AAMP: variants seen among roughly 807,000 people sequenced by gnomAD.
The protein encoded by AAMP is angio associated migratory cell protein.
In AAMP, 12 loss-of-function variants were observed where a neutral mutation model predicts 51.1. The ratio of observed to expected loss-of-function variants is 0.23; its 90% CI spans 0.15 to 0.38. The LOEUF is 0.38. Ranked by LOEUF, AAMP falls within the 10% of genes least tolerant of loss-of-function variation. The pLI, the probability that AAMP is intolerant of heterozygous loss-of-function variation, is 1.00. For missense variants in AAMP, 418 were observed against 557.2 expected (o/e 0.75, Z 2.52); for synonymous variants, 210 against 218.7 (o/e 0.96, Z 0.35).
chr2:218,269,770 G>T, intron 1 of AAMP, 196 bp downstream of exon 1: 1 of 1,000,796 alleles, frequency 1.0e-6, no homozygotes, highest in South Asian at 1.5e-5. Context: ...GAGGGGAAGG[G>T]CCAGAGGAGG....
Position 218,266,667 on chromosome 2 carries a change from G to T in AAMP, c.535-80C>A. 1 of 1,565,226 alleles carries T rather than the reference G, an allele frequency of 6.4e-7. No homozygotes were observed. The highest frequency in any genetic ancestry group is 8.7e-7 in the Non-Finnish European group (1 of 1,152,330). On this transcript the variant is annotated intron_variant, in intron 4 of 10. Transcript: ENST00000248450. This position sits in a 1 kb window ranked among gnomAD's most constrained non-coding sequence, Gnocchi z 4.7. Reference sequence around the variant, plus strand: ...GCCTGCCCCATGAGCTCCACCCAAGGTTTCCTGCCTCTGGGGTTCCGCGGG... The same window carrying T: ...GCCTGCCCCATGAGCTCCACCCAAGTTTTCCTGCCTCTGGGGTTCCGCGGG...
chr2:218,264,840 C>T (rs1227184459), intron 10 of AAMP, among the ~76,000 whole-genome samples, 180 bp downstream of exon 10: 1 of 152,198 alleles, frequency 6.6e-6, no homozygotes, highest in Non-Finnish European at 1.5e-5. Context: ...ATGACTGAGA[C>T]GTGGGGCCCC....
At position 218,265,299 on chromosome 2, in the gene AAMP, G is replaced by T; in HGVS notation, c.1074+72C>A. Reference sequence around the variant, plus strand: ...GGCAGGAGCCAGATCTGGGGTAGATGCTCCTGGAGGCCTGGGCTTCCCCAC... The same window carrying T: ...GGCAGGAGCCAGATCTGGGGTAGATTCTCCTGGAGGCCTGGGCTTCCCCAC... On this transcript the variant is annotated intron_variant, in intron 9 of 10. Transcript: ENST00000248450. The surrounding 1 kb of genome is among the most constrained non-coding windows in gnomAD (Gnocchi z 6.6). 6.5e-7 allele frequency: 1 copy of T among 1,534,698 alleles called. No individual in the cohort carries two copies. The highest frequency in any genetic ancestry group is 8.8e-7 in the Non-Finnish European group (1 of 1,130,500).
Position 218,266,703 on chromosome 2 carries a change from G to T in AAMP, c.535-116C>A. The T allele has an allele frequency of 6.5e-7, 1 of 1,549,266 alleles. No individual in the cohort carries two copies. Among genetic ancestry groups the T allele is most frequent in the Non-Finnish European group, 8.8e-7 (1 of 1,142,208 alleles). On this transcript the variant is annotated intron_variant, in intron 4 of 10. Coordinates refer to ENST00000248450, the MANE Select transcript of AAMP (RefSeq NM_001087.5). The surrounding 1 kb of genome is among the most constrained non-coding windows in gnomAD (Gnocchi z 4.7). ...CTGGGGTTCCGCGGGGACTTTCCAGGTAGCAGGTAGATATTCTTCCTGTGC... is the reference window on the plus strand; with the variant it reads ...CTGGGGTTCCGCGGGGACTTTCCAGTTAGCAGGTAGATATTCTTCCTGTGC...
rs200819163 is a variant in AAMP, at chr2:218,267,002, G to C, written c.395-16C>G. 6.2e-7 allele frequency: 1 copy of C among 1,610,950 alleles called. No individual in the cohort carries two copies. Among genetic ancestry groups the C allele is most frequent in the African/African-American group, 1.3e-5 (1 of 74,952 alleles). On this transcript the variant is annotated splice_polypyrimidine_tract_variant and intron_variant, in intron 3 of 10. Transcript: ENST00000248450. This position sits in a 1 kb window ranked among gnomAD's most constrained non-coding sequence, Gnocchi z 4.6. ...TCTTTATGGCCTTCAAAGAAAAGTG[G>C]GCAGAAAACAGAGGAAAAAAATAGG...
At position 218,270,042 on chromosome 2, in the gene AAMP, TG is replaced by T. The variant is rs751284215; in HGVS notation, c.44del (p.Pro15HisfsTer5). The T allele has an allele frequency of 1.9e-6, 3 of 1,613,802 alleles. No individual in the cohort carries two copies. The highest frequency in any genetic ancestry group is 1.7e-5 in the Admixed American group (1 of 59,998). ...CACCATGGAAGCTTAGGGTCTCCAG[TG>T]GGGGGGTGTCAGCAGCAGCCCCGCT... ...SESGAAADTP[P>X]LETLSFHGDE... is the part of the protein sequence containing the mutation. On this transcript the variant is annotated frameshift_variant, in exon 1 of 11. Coordinates refer to ENST00000248450, the MANE Select transcript of AAMP (RefSeq NM_001087.5). LOFTEE classifies it high-confidence loss of function.
chr2:218,265,899 C>T lies in AAMP; in HGVS notation c.811G>A (p.Asp271Asn). The change falls in exon 7 of 11, where the codon GAT (aspartate) becomes AAT (asparagine). Residue 271 changes from aspartate (D) to asparagine (N), a missense_variant. Asp to Asn is a conservative substitution (Grantham distance 23, BLOSUM62 1). Coordinates refer to ENST00000248450, the MANE Select transcript of AAMP (RefSeq NM_001087.5). This position sits in a 1 kb window ranked among gnomAD's most constrained non-coding sequence, Gnocchi z 6.6. Reference sequence around the variant, plus strand: ...GAGCCAGTTAGGATCAAGCTGCCATCCTGGTTGGCAGCAACACAGGTGAGT... The same window carrying T: ...GAGCCAGTTAGGATCAAGCTGCCATTCTGGTTGGCAGCAACACAGGTGAGT... ...GPLTCVAANQ[D>N]GSLILTGSVD... 1 of 1,614,064 alleles carries T rather than the reference C, an allele frequency of 6.2e-7. No homozygotes were observed.
intron 1 of AAMP, 86 bp downstream of exon 1, chr2:218,269,880 G>A (rs1415408431): frequency 1.6e-5 from 25 of 1,579,396 alleles, no homozygotes; most frequent in Non-Finnish European, 2.1e-5. Flanking sequence ...GACCAGTCGG[G>A]TGTGGAGGGG....
At chr2:218,269,743 A>G (rs1230668810) in intron 1 of AAMP, 42 of 1,010,376 alleles carry the variant, frequency 4.2e-5, no homozygotes, top group Non-Finnish European at 5.5e-5. Flanking sequence ...CAAGGGGATG[A>G]TGGGAAGGGG....
rs574241908 is a variant in AAMP, at chr2:218,267,347, C to A, written c.394+147G>T. The A allele has an allele frequency of 8.0e-5, 97 of 1,217,778 alleles. No individual in the cohort carries two copies. The African/African-American group carries it at 1.2e-3, about 15-fold the overall frequency. The allele number at this position is 1,217,778 out of a possible 1,614,324, so 75.4% of individuals were successfully genotyped here. On this transcript the variant is annotated intron_variant, in intron 3 of 10. Coordinates refer to ENST00000248450, the MANE Select transcript of AAMP (RefSeq NM_001087.5). The surrounding 1 kb of genome is among the most constrained non-coding windows in gnomAD (Gnocchi z 4.6). ...TCTGTGCCCAAAACACACTAGTATT[C>A]GCCCCGTGTCCCTGGGGCCCAGCAC...
chr2:218,265,703 G>A lies in AAMP; in HGVS notation c.880-21C>T. The stretch of plus-strand genomic sequence containing the variant: ...ACCACCTGAAAGCCAGAGAGGATCA[G>A]AGGAGGACACGGAATCCGGGTGCTT... On this transcript the variant is annotated intron_variant, in intron 7 of 10. Transcript: ENST00000248450. This position sits in a 1 kb window ranked among gnomAD's most constrained non-coding sequence, Gnocchi z 6.6. 3 of 1,608,248 alleles carry A rather than the reference G, an allele frequency of 1.9e-6. No homozygotes were observed. Among genetic ancestry groups the A allele is most frequent in the Non-Finnish European group, 2.5e-6 (3 of 1,176,804 alleles).
rs752826505 is a variant in AAMP, at chr2:218,266,555, C to T, written c.567G>A (p.Leu189=). ...WMEWHPRAPV[L]LAGTADGNTW... ...TGTTGCCGTCAGCTGTGCCCGCCAA[C>T]AGGACAGGTGCCCGAGGATGCCACT... is the stretch of plus-strand genomic sequence containing the variant. Residue 189 remains leucine (L), a synonymous_variant, in exon 5 of 11, where the codon CTG becomes CTA. Coordinates refer to ENST00000248450, the MANE Select transcript of AAMP (RefSeq NM_001087.5). This position sits in a 1 kb window ranked among gnomAD's most constrained non-coding sequence, Gnocchi z 4.7. 2 of 1,613,622 alleles carry T rather than the reference C, an allele frequency of 1.2e-6. No individual in the cohort carries two copies. Among genetic ancestry groups the T allele is most frequent in the Non-Finnish European group, 1.7e-6 (2 of 1,179,942 alleles).
rs1690625770 is a variant in AAMP, at chr2:218,266,266, C to T, written c.680-119G>A. On this transcript the variant is annotated intron_variant, in intron 5 of 10. Coordinates refer to ENST00000248450, the MANE Select transcript of AAMP (RefSeq NM_001087.5). The surrounding 1 kb of genome is among the most constrained non-coding windows in gnomAD (Gnocchi z 4.7). ...GGCCCAGACACTGCCCCAGGAATCA[C>T]AGGTGAGTTCAGAGCAGGAAGGAGG... The T allele has an allele frequency of 1.5e-6, 2 of 1,297,362 alleles. No individual in the cohort carries two copies. Among genetic ancestry groups the T allele is most frequent in the Admixed American group, 3.8e-5 (2 of 52,396 alleles). The allele number at this position is 1,297,362 out of a possible 1,614,324, so 80.4% of individuals were successfully genotyped here.
chr2:218,266,322 C>A lies in AAMP; in HGVS notation c.679+121G>T. On this transcript the variant is annotated intron_variant, in intron 5 of 10. Coordinates refer to ENST00000248450, the MANE Select transcript of AAMP (RefSeq NM_001087.5). The surrounding 1 kb of genome is among the most constrained non-coding windows in gnomAD (Gnocchi z 4.7). Reference sequence around the variant, plus strand: ...TGAACTTTGGGGCCCAGGAGGTCAGCACTGCAAACAGCAGGCCTCAGATTT... The same window carrying A: ...TGAACTTTGGGGCCCAGGAGGTCAGAACTGCAAACAGCAGGCCTCAGATTT... 6.9e-7 allele frequency: 1 copy of A among 1,439,764 alleles called. No individual in the cohort carries two copies. The highest frequency in any genetic ancestry group is 9.5e-7 in the Non-Finnish European group (1 of 1,048,994). 89.2% of individuals were successfully genotyped at this position (1,439,764 alleles called of 1,614,324 possible).
intron 10 of AAMP, 100 bp from the exon 11 acceptor site, chr2:218,264,708 C>A: frequency 9.2e-7 from 1 of 1,087,812 alleles, no homozygotes; most frequent in Non-Finnish European, 1.4e-6. Context: ...AGTTCTAGGG[C>A]CCTAGTGCCT....
rs775442037 is a variant in AAMP at position 218,269,530 on chromosome 2, G to A, written c.126C>T (p.Asp42=). ...CCACATCTTCCATCTCCTGGGCCAGGTCATCTGCTTTGGGGAGAGGGTTAG... is the reference window on the plus strand; with the variant it reads ...CCACATCTTCCATCTCCTGGGCCAGATCATCTGCTTTGGGGAGAGGGTTAG... ...ELDPGPPDPD[D]LAQEMEDVDF... The change falls in exon 2 of 11, where the codon GAC becomes GAT. Residue 42 remains aspartate, a synonymous_variant. Coordinates refer to ENST00000248450, the MANE Select transcript of AAMP (RefSeq NM_001087.5). 1.9e-6 allele frequency: 3 copies of A among 1,614,030 alleles called. No homozygotes were observed. In the African/African-American group the frequency reaches 4.0e-5, roughly 22 times the overall value.
chr2:218,264,737 C>T (rs376686437), intron 10 of AAMP, 129 bp from the exon 11 acceptor site: 20 of 881,154 alleles, frequency 2.3e-5, no homozygotes, highest in East Asian at 1.5e-4. Context: ...GCCGACATCT[C>T]TGCAGCCAGC....
chr2:218,269,590 G>A (rs1574613106), intron 1 of AAMP, 56 bp from the exon 2 acceptor site: 2 of 1,613,300 alleles, frequency 1.2e-6, no homozygotes, highest in Non-Finnish European at 8.5e-7. Flanking sequence ...GAGGTACGGA[G>A]AGAAGCATGA....
At position 218,266,265 on chromosome 2, in the gene AAMP, A is replaced by T; in HGVS notation, c.680-118T>A. 2 of 1,308,624 alleles carry T rather than the reference A, an allele frequency of 1.5e-6. No individual in the cohort carries two copies. The highest frequency in any genetic ancestry group is 4.6e-5 in the East Asian group (2 of 43,158). The allele number at this position is 1,308,624 out of a possible 1,614,324, so 81.1% of individuals were successfully genotyped here. On this transcript the variant is annotated intron_variant, in intron 5 of 10. Transcript: ENST00000248450. This position sits in a 1 kb window ranked among gnomAD's most constrained non-coding sequence, Gnocchi z 4.7. ...GGGCCCAGACACTGCCCCAGGAATCACAGGTGAGTTCAGAGCAGGAAGGAG... is the reference window on the plus strand; with the variant it reads ...GGGCCCAGACACTGCCCCAGGAATCTCAGGTGAGTTCAGAGCAGGAAGGAG...
Sources: gnomAD v4.1 joint callset for allele counts (sites outside exome capture counted in the v4.1 genomes callset) on GRCh38, gnomAD v4.1.1 for gene constraint, Gnocchi (gnomAD v3.1) non-coding constraint, MANE v1.5 for transcripts, NCBI Gene and HGNC (gene_info 2026-07-23, HGNC 2026-07-21) for gene names.